OSBPL8: variants seen among roughly 807,000 people sequenced by gnomAD.
OSBPL8 encodes oxysterol-binding protein-related protein 8.
In OSBPL8, 59 loss-of-function variants were observed where a neutral mutation model predicts 125.5. The observed-to-expected ratio is 0.47, with a 90% CI of 0.38 to 0.58. OSBPL8 has a LOEUF of 0.58. OSBPL8 is among the 20% of genes least tolerant of loss of function. The pLI is 0.00. For missense variants in OSBPL8, 758 were observed against 1,047.8 expected, an observed-to-expected ratio of 0.72 and a Z score of 3.82; for synonymous variants, 330 against 338.9, an observed-to-expected ratio of 0.97 and a Z score of 0.29.
intron 1 of OSBPL8, among the ~76,000 whole-genome samples, chr12:76,553,975 T>G (rs1354125243): frequency 6.9e-5 from 1 of 14,526 alleles, no homozygotes; most frequent in Non-Finnish European, 1.2e-4. Context: ...AGACTCTATC[T>G]CAAAAAAAAA....
At chr12:76,386,333 T>C in intron 13 of OSBPL8, 67 bp from the exon 14 acceptor site, 2 of 1,515,970 alleles carry the variant, frequency 1.3e-6, no homozygotes, top group South Asian at 2.6e-5. Context: ...TTTAAACTAG[T>C]CAAAATGGGT....
intron 1 of OSBPL8, among the ~76,000 whole-genome samples, chr12:76,541,228 C>T (rs1192903742): frequency 6.6e-6 from 1 of 152,086 alleles, no homozygotes; most frequent in Non-Finnish European, 1.5e-5. Flanking sequence ...TCTGTAATCC[C>T]AGCACTTTAG....
chr12:76,545,866 C>G (rs1950768852), intron 1 of OSBPL8, among the ~76,000 whole-genome samples: 1 of 152,138 alleles, frequency 6.6e-6, no homozygotes, highest in Non-Finnish European at 1.5e-5. Context: ...AAGCCTGTTC[C>G]TAAAGACTCT....
At chr12:76,556,356 T>C (rs116763984) in intron 1 of OSBPL8, among the ~76,000 whole-genome samples, 4 of 152,122 alleles carry the variant, frequency 2.6e-5, no homozygotes, top group Admixed American at 2.0e-4. Context: ...GCTCTCTCCC[T>C]TGCAAGCTTG....
At position 76,499,153 on chromosome 12, in the gene OSBPL8, A is replaced by G. The variant is rs137911601; in HGVS notation, c.-67-11535T>C. Among the ~76,000 whole-genome samples, 771 of 152,092 alleles carry G rather than the reference A, an allele frequency of 5.1e-3. 7 individuals carry two copies. Among genetic ancestry groups the G allele is most frequent in the African/African-American group, 0.018 (745 of 41,496 alleles). On this transcript the variant is annotated intron_variant, in intron 1 of 23. Transcript: ENST00000261183. Reference sequence around the variant, plus strand: ...GGAGACTGGCCTAGCCTCCCAACCTACGTCTTTCTCCAGTGCTGGATGCTT... The same window carrying G: ...GGAGACTGGCCTAGCCTCCCAACCTGCGTCTTTCTCCAGTGCTGGATGCTT...
intron 2 of OSBPL8, among the ~76,000 whole-genome samples, chr12:76,465,217 G>C (rs1875261260): frequency 6.6e-6 from 1 of 152,130 alleles, no homozygotes; most frequent in African/African-American, 2.4e-5. Flanking sequence ...ATTTGATCCA[G>C]CAATTCCCCT....
At chr12:76,459,496 T>A (rs1180605798) in intron 3 of OSBPL8, among the ~76,000 whole-genome samples, 2 of 152,198 alleles carry the variant, frequency 1.3e-5, no homozygotes, top group African/African-American at 4.8e-5. Flanking sequence ...AAAATAAAAG[T>A]GTTTCTCCCT....
intron 4 of OSBPL8, among the ~76,000 whole-genome samples, chr12:76,425,741 T>A (rs762851225): frequency 6.6e-6 from 1 of 152,204 alleles, no homozygotes; most frequent in Non-Finnish European, 1.5e-5. Flanking sequence ...CAATGAAGCA[T>A]TCTACTTTTT....
At chr12:76,473,888 TTCTA>T (rs1876483490) in intron 2 of OSBPL8, among the ~76,000 whole-genome samples, 4 of 152,352 alleles carry the variant, frequency 2.6e-5, no homozygotes, top group African/African-American at 4.8e-5. Context: ...ATCCTTGTAA[TTCTA>T]TCTATCTCAT....
intron 6 of OSBPL8, among the ~76,000 whole-genome samples, 158 bp downstream of exon 6, chr12:76,402,531 C>T (rs1954093205): frequency 6.6e-6 from 1 of 151,524 alleles, no homozygotes; most frequent in Non-Finnish European, 1.5e-5. Flanking sequence ...GTGTACCATA[C>T]AAATATTAAC....
chr12:76,472,480 G>A lies in OSBPL8; in HGVS notation c.43-12585C>T, dbSNP rs374445901. On this transcript the variant is annotated intron_variant, in intron 2 of 23. Coordinates refer to ENST00000261183, the MANE Select transcript of OSBPL8 (RefSeq NM_020841.5). ...GATAAGAGAAAAGACAGCTGGGCCC[G>A]GGGGACCACTACCACCAAGACGCGG... Among the ~76,000 whole-genome samples the A allele has an allele frequency of 1.7e-4, 26 of 152,154 alleles. No individual in the cohort carries two copies. The East Asian group carries it at 3.3e-3, about 19-fold the overall frequency.
At chr12:76,557,432 T>C (rs1015805988) in intron 1 of OSBPL8, among the ~76,000 whole-genome samples, 4 of 151,990 alleles carry the variant, frequency 2.6e-5, no homozygotes, top group Admixed American at 6.5e-5. Flanking sequence ...CTGGCCAACA[T>C]GGTGAAACCC....
intron 3 of OSBPL8, among the ~76,000 whole-genome samples, chr12:76,456,634 C>T (rs1367906195): frequency 6.6e-6 from 1 of 152,030 alleles, no homozygotes. Flanking sequence ...ACTTTTGACC[C>T]TCCAAAAACT....
intron 21 of OSBPL8, among the ~76,000 whole-genome samples, chr12:76,366,898 A>T (rs1298460744): frequency 6.6e-6 from 1 of 152,052 alleles, no homozygotes; most frequent in East Asian, 1.9e-4. Context: ...CCAGGTTCAC[A>T]TGATTCTCAT....
intron 7 of OSBPL8, among the ~76,000 whole-genome samples, chr12:76,398,254 ATG>A (rs1410658635): frequency 2.0e-5 from 3 of 152,174 alleles, no homozygotes; most frequent in Non-Finnish European, 2.9e-5. Context: ...TTGTGTGCAT[ATG>A]ATGATTCTGC....
intron 1 of OSBPL8, among the ~76,000 whole-genome samples, chr12:76,526,701 A>G (rs1950188007): frequency 8.6e-6 from 1 of 116,828 alleles, no homozygotes; most frequent in African/African-American, 3.3e-5. Flanking sequence ...CCTGGGCTGG[A>G]GTGCAATGGT....
intron 2 of OSBPL8, 56 bp from the exon 3 acceptor site, chr12:76,459,951 C>T: frequency 6.4e-7 from 1 of 1,558,410 alleles, no homozygotes; most frequent in Non-Finnish European, 8.8e-7. Flanking sequence ...CAGGAAGAAG[C>T]AAAATGCATC....
intron 2 of OSBPL8, among the ~76,000 whole-genome samples, chr12:76,469,548 C>T (rs1006143964): frequency 4.6e-5 from 7 of 152,162 alleles, no homozygotes; most frequent in Non-Finnish European, 8.8e-5. Context: ...GACTAACCAC[C>T]GTCTGCCCAA....
At chr12:76,420,434 T>G (rs1869321938) in intron 4 of OSBPL8, among the ~76,000 whole-genome samples, 1 of 152,076 alleles carries the variant, frequency 6.6e-6, no homozygotes, top group African/African-American at 2.4e-5. Flanking sequence ...AGATATGAAC[T>G]AAATAAAACA....
Sources: gnomAD v4.1 joint callset for allele counts (sites outside exome capture counted in the v4.1 genomes callset) on GRCh38, gnomAD v4.1.1 for gene constraint, MANE v1.5 for transcripts, NCBI Gene and HGNC (gene_info 2026-07-23, HGNC 2026-07-21) for gene names.